SLC25A48: variants seen among roughly 807,000 people sequenced by gnomAD.
SLC25A48 encodes solute carrier family 25 member 48.
Under a neutral mutation model 32.2 loss-of-function variants are expected in SLC25A48, and 29 were observed. The ratio of observed to expected loss-of-function variants is 0.90; its 90% CI spans 0.67 to 1.23. SLC25A48 has a LOEUF of 1.23. SLC25A48 is among the 50% of genes most tolerant of loss of function. SLC25A48 has a pLI of 0.00. For missense variants in SLC25A48, 399 were observed against 422.7 expected (o/e 0.94, Z 0.49); for synonymous variants, 164 against 172.3 (o/e 0.95, Z 0.38).
At chr5:135,760,695 C>T (rs775178180) in intron 3 of SLC25A48, among the ~76,000 whole-genome samples, 5 of 152,126 alleles carry the variant, frequency 3.3e-5, no homozygotes, top group African/African-American at 7.2e-5. Flanking sequence ...GAAATTGAGC[C>T]GATTGTCGGC....
intron 3 of SLC25A48, among the ~76,000 whole-genome samples, chr5:135,786,177 C>T (rs1168004752): frequency 2.1e-5 from 3 of 145,860 alleles, no homozygotes; most frequent in East Asian, 2.1e-4. Flanking sequence ...GGAGACGGTA[C>T]TATTACTCCC....
At chr5:135,597,026 C>T (rs72787170) in intron 1 of SLC25A48, among the ~76,000 whole-genome samples, 12,528 of 152,230 alleles carry the variant, frequency 0.082, 527 homozygotes, top group South Asian at 0.15. Context: ...TGTGAGGAGA[C>T]AATGCATGTA....
chr5:135,673,527 T>C (rs1753701894), intron 3 of SLC25A48, among the ~76,000 whole-genome samples: 1 of 152,202 alleles, frequency 6.6e-6, no homozygotes, highest in Non-Finnish European at 1.5e-5. Context: ...TTCTTTGATA[T>C]ATCTGCTCAA....
At chr5:135,683,501 A>G (rs1236342532) in intron 3 of SLC25A48, among the ~76,000 whole-genome samples, 1 of 79,444 alleles carries the variant, frequency 1.3e-5, no homozygotes, top group Non-Finnish European at 3.2e-5. Flanking sequence ...TAAGGAATAC[A>G]TTTCTTAAAG....
intron 3 of SLC25A48, among the ~76,000 whole-genome samples, chr5:135,691,697 T>G (rs1011730959): frequency 6.0e-4 from 92 of 152,364 alleles, no homozygotes; most frequent in African/African-American, 2.2e-3. Flanking sequence ...CCTCAAATCT[T>G]GCAAGATGTC....
At chr5:135,752,939 T>A (rs918488273) in intron 3 of SLC25A48, among the ~76,000 whole-genome samples, 2 of 152,044 alleles carry the variant, frequency 1.3e-5, no homozygotes, top group African/African-American at 4.8e-5. Context: ...TTAGGAGTAA[T>A]TTCTCGAGGA....
At chr5:135,625,653 T>G (rs553175814) in intron 1 of SLC25A48, among the ~76,000 whole-genome samples, 1 of 152,270 alleles carries the variant, frequency 6.6e-6, no homozygotes, top group East Asian at 1.9e-4. Flanking sequence ...CTCCCAAGAT[T>G]CCTTGTGGCA....
At position 135,657,265 on chromosome 5, in the gene SLC25A48, A is replaced by G. The variant is rs79291043; in HGVS notation, c.-521+22309A>G. On this transcript the variant is annotated intron_variant, in intron 3 of 10. Transcript: ENST00000646290. ...GATAGAGTTTAGAGCCAACATCCAA[A>G]TACACAAAGTTTTCTTTTCAGTTTA... is the stretch of plus-strand genomic sequence containing the variant. Among the ~76,000 whole-genome samples the G allele has an allele frequency of 3.1e-3, 476 of 152,336 alleles. 9 individuals are homozygous for G. The East Asian group carries it at 0.056, about 18-fold the overall frequency.
intron 3 of SLC25A48, chr5:135,652,253 A>C: frequency 2.5e-6 from 1 of 405,058 alleles, no homozygotes; most frequent in Non-Finnish European, 4.9e-6. Context: ...GTGAGTAGAC[A>C]GTCACCTGGT....
chr5:135,834,246 G>A (rs200114496), upstream of SLC25A48, among the ~76,000 whole-genome samples: 9 of 152,296 alleles, frequency 5.9e-5, no homozygotes, highest in East Asian at 1.7e-3. Context: ...AGGGAGCTGG[G>A]CCCCTAGAGA....
At chr5:135,590,106 G>C (rs1236454923) in intron 1 of SLC25A48, among the ~76,000 whole-genome samples, 1 of 152,168 alleles carries the variant, frequency 6.6e-6, no homozygotes, top group East Asian at 1.9e-4. Context: ...TGGTGCCTGG[G>C]AATAGCGATT....
At chr5:135,717,664 G>T (rs1244991508) in intron 3 of SLC25A48, among the ~76,000 whole-genome samples, 1 of 152,164 alleles carries the variant, frequency 6.6e-6, no homozygotes, top group Non-Finnish European at 1.5e-5. Flanking sequence ...TGCACAGGTT[G>T]GTGTAGATAC....
At chr5:135,594,511 A>T (rs185072363) in intron 1 of SLC25A48, among the ~76,000 whole-genome samples, 327 of 152,302 alleles carry the variant, frequency 2.1e-3, no homozygotes, top group Non-Finnish European at 4.1e-3. Context: ...TGTAAAATGG[A>T]GCCAGGTCAG....
rs1229298754 is a variant in SLC25A48, at chr5:135,810,892, C to T, written c.-520-1631C>T. Among the ~76,000 whole-genome samples the T allele has an allele frequency of 3.3e-5, 5 of 152,242 alleles. No homozygotes were observed. The East Asian group carries it at 7.7e-4, about 24-fold the overall frequency. Reference sequence around the variant, plus strand: ...CTGGCTGCAAAGGGGTCTGGATAAGCGAATGTTTCTCACTGAATCCAGGAG... The same window carrying T: ...CTGGCTGCAAAGGGGTCTGGATAAGTGAATGTTTCTCACTGAATCCAGGAG... On this transcript the variant is annotated intron_variant, in intron 3 of 10. Transcript: ENST00000646290.
intron 4 of SLC25A48, among the ~76,000 whole-genome samples, chr5:135,854,090 C>T (rs537540814): frequency 1.7e-4 from 26 of 152,102 alleles, no homozygotes; most frequent in Non-Finnish European, 2.8e-4. Flanking sequence ...CAACAGCGGA[C>T]CTAAAATACT....
chr5:135,849,351 G>T (rs1203870163), intron 2 of SLC25A48, among the ~76,000 whole-genome samples: 1 of 152,160 alleles, frequency 6.6e-6, no homozygotes, highest in East Asian at 1.9e-4. Context: ...ATGACATGCT[G>T]TGTGTGCTGA....
intron 1 of SLC25A48, among the ~76,000 whole-genome samples, chr5:135,585,304 G>T (rs1369716511): frequency 6.6e-6 from 1 of 152,234 alleles, no homozygotes; most frequent in Non-Finnish European, 1.5e-5. Context: ...GCCAAGTCCT[G>T]TCTCCTTGGC....
At chr5:135,682,914 G>T (rs1411527728) in intron 3 of SLC25A48, among the ~76,000 whole-genome samples, 1 of 152,096 alleles carries the variant, frequency 6.6e-6, no homozygotes, top group Non-Finnish European at 1.5e-5. Flanking sequence ...TTGTTATTAT[G>T]ATTATTACTA....
At position 135,884,302 on chromosome 5, in the gene SLC25A48, C is replaced by T. The variant is rs545469227; in HGVS notation, c.*8-3730C>T. On this transcript the variant is annotated intron_variant, in intron 7 of 7. Coordinates refer to ENST00000681962, the MANE Select transcript of SLC25A48 (RefSeq NM_001349336.2). ...AAGAGTTGAAAGTGTTCCGTCTCTT[C>T]GGTGTGAAACCTGTTACTGGAGCGG... is the stretch of plus-strand genomic sequence containing the variant. 7.2e-5 allele frequency among the ~76,000 whole-genome samples: 11 copies of T among 152,274 alleles called. No individual in the cohort carries two copies. In the South Asian group the frequency reaches 1.5e-3, roughly 20 times the overall value.
Sources: gnomAD v4.1 joint callset for allele counts (sites outside exome capture counted in the v4.1 genomes callset) on GRCh38, gnomAD v4.1.1 for gene constraint, MANE v1.5 for transcripts, NCBI Gene and HGNC (gene_info 2026-07-23, HGNC 2026-07-21) for gene names.